Variants in GALNT9 observed in about 807,000 individuals in gnomAD.
The protein encoded by GALNT9 is GalNAc transferase 9.
GALNT9 carries 47 observed loss-of-function variants against 63.1 expected under a neutral mutation model. The observed-to-expected ratio is 0.75, with a 90% confidence interval of 0.59 to 0.95. The LOEUF (loss-of-function observed/expected upper bound fraction) is 0.95. Among genes scored for constraint, GALNT9 ranks in the 40% least tolerant of loss-of-function variants. GALNT9 has a pLI of 0.00. For missense variants in GALNT9, 829 were observed against 874.8 expected (o/e 0.95, Z 0.66); for synonymous variants, 396 against 365.7 (o/e 1.08, Z -0.94).
rs911332067 is a variant in GALNT9, at chr12:132,206,674, C to T, written c.1078-2984G>A. ...AAAAAAAAAAAAAGGACCAAAACCA[C>T]AGGCAGAGAGGAGCCAGTGCTGGTG... On this transcript the variant is annotated intron_variant, in intron 6 of 10. Transcript: ENST00000328957. Among the ~76,000 whole-genome samples the T allele has an allele frequency of 5.3e-5, 8 of 150,812 alleles. 1 individual carries two copies. Among genetic ancestry groups the T allele is most frequent in the Non-Finnish European group, 1.2e-4 (8 of 67,798 alleles).
chr12:132,221,446 G>A (rs1193947417), intron 6 of GALNT9, among the ~76,000 whole-genome samples: 2 of 149,758 alleles, frequency 1.3e-5, no homozygotes, highest in East Asian at 3.9e-4. Flanking sequence ...AGATCATGAG[G>A]TCAGGAGTTC....
At chr12:132,276,371 C>G (rs28561974) in intron 2 of GALNT9, 9 of 154,846 alleles carry the variant, frequency 5.8e-5, no homozygotes, top group African/African-American at 2.2e-4. Context: ...GGCTCGCCGC[C>G]TATCTCCACG....
intron 6 of GALNT9, among the ~76,000 whole-genome samples, chr12:132,227,957 G>T (rs1216860264): frequency 6.6e-5 from 10 of 152,118 alleles, no homozygotes; most frequent in Non-Finnish European, 1.3e-4. Flanking sequence ...CAGCCTGGAG[G>T]CCTGGTTGAC....
In GALNT9 at chr12:132,328,076, A is replaced by G. The variant is rs568241056; in HGVS notation, c.238+890T>C. On this transcript the variant is annotated intron_variant, in intron 1 of 10. Transcript: ENST00000328957. Reference sequence around the variant, plus strand: ...CCACACCAGCTAGTGATGTAGGCACATGCAAACTTTCTCCTTCCTGGCGCC... The same window carrying G: ...CCACACCAGCTAGTGATGTAGGCACGTGCAAACTTTCTCCTTCCTGGCGCC... 2.0e-5 allele frequency among the ~76,000 whole-genome samples: 3 copies of G among 152,330 alleles called. No homozygotes were observed. The South Asian group carries it at 6.2e-4, about 32-fold the overall frequency.
At position 132,286,339 on chromosome 12, in the gene GALNT9, C is replaced by A. The variant is rs782048486; in HGVS notation, c.330G>T (p.Ala110=). The stretch of plus-strand genomic sequence containing the variant: ...AGCCGTACTCCTCATACTTGCCTTC[C>A]GCCTCCTGGCCGTCATCACGCAGGG... ...AATLRDDGQE[A]EGKYEEYGYN... Residue 110 remains alanine, a synonymous_variant, in exon 2 of 11, where the codon GCG becomes GCT. Transcript: ENST00000328957. The surrounding 1 kb of genome is among the most constrained non-coding windows in gnomAD (Gnocchi z 7.4). 1 of 1,551,132 alleles carries A rather than the reference C, an allele frequency of 6.4e-7. No individual in the cohort carries two copies. Among genetic ancestry groups the A allele is most frequent in the Non-Finnish European group, 8.7e-7 (1 of 1,146,910 alleles).
chr12:132,199,384 G>T, intron 8 of GALNT9, 115 bp from the exon 9 acceptor site: 1 of 715,412 alleles, frequency 1.4e-6, no homozygotes, highest in Non-Finnish European at 2.4e-6. Flanking sequence ...GGGAGGAGGA[G>T]GGGGCGTGTG....
At chr12:132,241,530 C>T (rs1878353550) in intron 6 of GALNT9, among the ~76,000 whole-genome samples, 3 of 120,736 alleles carry the variant, frequency 2.5e-5, no homozygotes, top group Admixed American at 7.4e-5. Context: ...ACGCCACACC[C>T]CCTTCCCGGG....
At chr12:132,263,046 G>A (rs2135545704) in intron 2 of GALNT9, among the ~76,000 whole-genome samples, 1 of 152,116 alleles carries the variant, frequency 6.6e-6, no homozygotes, top group South Asian at 2.1e-4. Context: ...TCCCCTGTGG[G>A]CCATGAGTGC....
At chr12:132,292,783 T>TGGGGAGAGG (rs1880910521) in intron 1 of GALNT9, among the ~76,000 whole-genome samples, 1 of 150,570 alleles carries the variant, frequency 6.6e-6, no homozygotes, top group Non-Finnish European at 1.5e-5. Context: ...GGAAGGAGGG[T>TGGGGAGAGG]GGGGAGAGGG....
Position 132,261,063 on chromosome 12 carries a change from T to A in GALNT9, c.646A>T (p.Ile216Phe). 1.3e-6 allele frequency: 2 copies of A among 1,551,406 alleles called. No homozygotes were observed. The highest frequency in any genetic ancestry group is 2.4e-5 in the East Asian group (1 of 40,896). ...CCTTCCCGCCGGCTGTTGCGGACAA[T>A]CTTCACGAGGCCTGGGTACCGCTTG... Reference protein sequence around the residue: ...VNKRYPGLVKIVRNSRREGLI... With the variant: ...VNKRYPGLVKFVRNSRREGLI... The change falls in exon 4 of 11, where the codon ATT becomes TTT. Residue 216 changes from isoleucine (I) to phenylalanine (F), a missense_variant. Physicochemically the swap from Ile to Phe is conservative, Grantham distance 21. Coordinates refer to ENST00000328957, the MANE Select transcript of GALNT9 (RefSeq NM_001122636.2).
intron 3 of GALNT9, 72 bp downstream of exon 3, chr12:132,262,387 C>T: frequency 6.7e-7 from 1 of 1,492,916 alleles, no homozygotes. Flanking sequence ...CCGGAGGCTC[C>T]ACCCAACCCC....
Position 132,329,115 on chromosome 12 carries a change from A to G in GALNT9, c.89T>C (p.Leu30Pro). The change falls in exon 1 of 11, where the codon CTG becomes CCG. Residue 30 changes from leucine to proline, a missense_variant. Coordinates refer to ENST00000328957, the MANE Select transcript of GALNT9 (RefSeq NM_001122636.2). Reference sequence around the variant, plus strand: ...CACGAGCTCCTGGGAGCGGCCCTGCAGGCGGCAGTACACGGAGAACAGGAC... The same window carrying G: ...CACGAGCTCCTGGGAGCGGCCCTGCGGGCGGCAGTACACGGAGAACAGGAC... Reference protein sequence around the residue: ...GIVLFSVYCRLQGRSQELVRI... With the variant: ...GIVLFSVYCRPQGRSQELVRI... 2 of 1,549,574 alleles carry G rather than the reference A, an allele frequency of 1.3e-6. No individual in the cohort carries two copies. The highest frequency in any genetic ancestry group is 1.4e-5 in the African/African-American group (1 of 73,132).
At chr12:132,306,736 C>T (rs565211097) in intron 1 of GALNT9, among the ~76,000 whole-genome samples, 2 of 152,136 alleles carry the variant, frequency 1.3e-5, no homozygotes, top group Non-Finnish European at 2.9e-5. Context: ...AGCTTCCTTT[C>T]GAGATTCAGG....
At chr12:132,243,830 C>A (rs1593081149) in intron 6 of GALNT9, among the ~76,000 whole-genome samples, 1 of 152,196 alleles carries the variant, frequency 6.6e-6, no homozygotes, top group East Asian at 1.9e-4. Flanking sequence ...GCCCACCCGT[C>A]AATCACCCAT....
intron 1 of GALNT9, among the ~76,000 whole-genome samples, chr12:132,299,054 C>T (rs1441522600): frequency 6.9e-6 from 1 of 145,826 alleles, no homozygotes; most frequent in Non-Finnish European, 1.5e-5. Context: ...CATACCTCAC[C>T]CACTCCCACC....
intron 6 of GALNT9, among the ~76,000 whole-genome samples, chr12:132,241,147 AC>A (rs1878313079): frequency 9.9e-6 from 1 of 100,642 alleles, no homozygotes; most frequent in African/African-American, 3.8e-5. Context: ...CCCTCCCTAT[AC>A]CCATTACACA....
chr12:132,240,913 C>G, intron 6 of GALNT9, among the ~76,000 whole-genome samples: 1 of 143,764 alleles, frequency 7.0e-6, no homozygotes, highest in Non-Finnish European at 1.5e-5. Context: ...TTCCCGGGGC[C>G]CTCCCTATCC....
intron 6 of GALNT9, among the ~76,000 whole-genome samples, chr12:132,241,229 C>T (rs1555237069): frequency 5.6e-5 from 5 of 89,138 alleles, no homozygotes; most frequent in Admixed American, 1.1e-4. Flanking sequence ...TCCAGGGGCC[C>T]TCCCTATACC....
Position 132,262,535 on chromosome 12 carries a change from G to C in GALNT9, c.510C>G (p.Ser170=), listed in dbSNP as rs59683276. The change falls in exon 3 of 11, where the codon TCC becomes TCG. Residue 170 remains serine (S), a synonymous_variant. Transcript: ENST00000328957. The part of the protein sequence containing the change: ...VNEALSVILR[S]VHSVVNHTPS... ...GCGTGTGGTTGACCACGCTGTGCAC[G>C]GAGCGCAGGATGACCGACAGCGCCT... The C allele has an allele frequency of 7.1e-6, 11 of 1,551,386 alleles. 1 individual carries two copies. The highest frequency in any genetic ancestry group is 1.7e-4 in the Middle Eastern group (1 of 5,988).
Sources: gnomAD v4.1 joint callset for allele counts (sites outside exome capture counted in the v4.1 genomes callset) on GRCh38, gnomAD v4.1.1 for gene constraint, Gnocchi (gnomAD v3.1) non-coding constraint, MANE v1.5 for transcripts, NCBI Gene and HGNC (gene_info 2026-07-23, HGNC 2026-07-21) for gene names.